IL18RAP: variants seen among roughly 807,000 people sequenced by gnomAD.
IL18RAP encodes the protein interleukin-18 receptor accessory protein.
IL18RAP carries 37 observed loss-of-function variants against 58.1 expected under a neutral mutation model. That is an observed-to-expected ratio of 0.64 (90% CI 0.49 to 0.84). The LOEUF (loss-of-function observed/expected upper bound fraction) is 0.84. Among genes scored for constraint, IL18RAP ranks in the 40% least tolerant of loss-of-function variants. The pLI is 0.00. For synonymous variants in IL18RAP, 268 were observed against 257.5 expected, an observed-to-expected ratio of 1.04 and a Z score of -0.39; for missense variants, 667 against 704.8, an observed-to-expected ratio of 0.95 and a Z score of 0.61.
intron 3 of IL18RAP, among the ~76,000 whole-genome samples, chr2:102,430,848 G>A (rs1682300408): frequency 6.6e-6 from 1 of 151,990 alleles, no homozygotes; most frequent in South Asian, 2.1e-4. Flanking sequence ...CCTTTTATGG[G>A]TTTGATGTCA....
chr2:102,428,367 T>C (rs1368191294), intron 3 of IL18RAP, among the ~76,000 whole-genome samples: 1 of 130,682 alleles, frequency 7.7e-6, no homozygotes, highest in Non-Finnish European at 1.6e-5. Context: ...TTTTCTTCCA[T>C]TCCTTTTGTT....
At position 102,437,175 on chromosome 2, in the gene IL18RAP, T is replaced by A. The variant is rs565837188; in HGVS notation, c.580-37T>A. On this transcript the variant is annotated intron_variant, in intron 3 of 9. Coordinates refer to ENST00000687160, the MANE Select transcript of IL18RAP (RefSeq NM_001393487.1). The stretch of plus-strand genomic sequence containing the variant: ...GTATGTATTTCATAAAGTTTTTCTG[T>A]GGCAAATTTATCTGCTTAAAATATC... 93 of 1,576,544 alleles carry A rather than the reference T, an allele frequency of 5.9e-5. 2 individuals are homozygous for A. In the South Asian group the frequency reaches 1.0e-3, roughly 17 times the overall value.
At chr2:102,431,068 C>A (rs1361415251) in intron 3 of IL18RAP, among the ~76,000 whole-genome samples, 1 of 152,144 alleles carries the variant, frequency 6.6e-6, no homozygotes, top group Non-Finnish European at 1.5e-5. Context: ...AGCAGGCATT[C>A]ATTTCAGTTT....
chr2:102,428,113 T>C (rs1419714185), intron 3 of IL18RAP, among the ~76,000 whole-genome samples: 1 of 151,906 alleles, frequency 6.6e-6, no homozygotes, highest in Non-Finnish European at 1.5e-5. Context: ...CTTAACAATA[T>C]ATTTTGAAAT....
At position 102,424,311 on chromosome 2, in the gene IL18RAP, CA is replaced by C; in HGVS notation, c.477del (p.Ser160HisfsTer30). The C allele has an allele frequency of 6.2e-7, 1 of 1,614,018 alleles. No homozygotes were observed. Among genetic ancestry groups the C allele is most frequent in the South Asian group, 1.1e-5 (1 of 91,078 alleles). On this transcript the variant is annotated frameshift_variant, in exon 3 of 10. Coordinates refer to ENST00000687160, the MANE Select transcript of IL18RAP (RefSeq NM_001393487.1). LOFTEE classifies it high-confidence loss of function. ...PQTNASCEYSASHKQDLLLGS... is the reference protein window; with the variant it reads ...PQTNASCEYSXSHKQDLLLGS... ...ACAAATGCATCCTGTGAGTATTCCG[CA>C]TCACATAAGCAAGACCTACTTCTTG...
intron 3 of IL18RAP, among the ~76,000 whole-genome samples, chr2:102,426,923 A>G (rs1681987306): frequency 6.6e-6 from 1 of 151,996 alleles, no homozygotes; most frequent in Admixed American, 6.6e-5. Flanking sequence ...CTCCCCACCA[A>G]TCAAGCCTCC....
At position 102,450,995 on chromosome 2, in the gene IL18RAP, T is replaced by C; in HGVS notation, c.1358T>C (p.Leu453Pro). 8 of 1,603,748 alleles carry C rather than the reference T, an allele frequency of 5.0e-6. No individual in the cohort carries two copies. The highest frequency in any genetic ancestry group is 6.8e-6 in the Non-Finnish European group (8 of 1,176,162). Residue 453 changes from leucine (L) to proline (P), a missense_variant, in exon 9 of 10, where the codon CTT (leucine) becomes CCT (proline). Leu to Pro is a moderately conservative substitution (Grantham distance 98). Transcript: ENST00000687160. ...AAATATGGATATAGCCTGTGTTTGC[T>C]TGAAAGAGATGTGGCTCCAGGAGGA... ...ENKYGYSLCL[L>P]ERDVAPGGVY... is the part of the protein sequence containing the mutation.
intron 3 of IL18RAP, among the ~76,000 whole-genome samples, chr2:102,424,660 TATATTACAC>T (rs1189185551): frequency 6.6e-6 from 1 of 152,214 alleles, no homozygotes; most frequent in East Asian, 1.9e-4. Context: ...AAAATTCAAG[TATATTACAC>T]ATGAGGTTAG....
chr2:102,428,201 A>T (rs1682089385), intron 3 of IL18RAP, among the ~76,000 whole-genome samples: 1 of 151,800 alleles, frequency 6.6e-6, no homozygotes, highest in Non-Finnish European at 1.5e-5. Context: ...GTGGTTCCAT[A>T]TGAATTTAAG....
intron 3 of IL18RAP, among the ~76,000 whole-genome samples, chr2:102,428,317 TC>T (rs1271339937): frequency 1.3e-5 from 2 of 151,598 alleles, no homozygotes; most frequent in East Asian, 3.9e-4. Flanking sequence ...TATTAATTCT[TC>T]CAATCCATGG....
intron 8 of IL18RAP, among the ~76,000 whole-genome samples, chr2:102,448,545 G>T (rs1245796361): frequency 6.6e-6 from 1 of 152,240 alleles, no homozygotes; most frequent in African/African-American, 2.4e-5. Context: ...ATCCCCTTTT[G>T]CAGGATTTCA....
chr2:102,445,353 G>C lies in IL18RAP; in HGVS notation c.1072+13G>C. 3 of 1,613,212 alleles carry C rather than the reference G, an allele frequency of 1.9e-6. No individual in the cohort carries two copies. Among genetic ancestry groups the C allele is most frequent in the Admixed American group, 1.7e-5 (1 of 59,994 alleles). Reference sequence around the variant, plus strand: ...GAAAAGAGAGGAGGTAAGCCCAGAAGGTTGCCCAGGAGGCATGAAACTGCT... The same window carrying C: ...GAAAAGAGAGGAGGTAAGCCCAGAACGTTGCCCAGGAGGCATGAAACTGCT... On this transcript the variant is annotated intron_variant, in intron 7 of 9. Coordinates refer to ENST00000687160, the MANE Select transcript of IL18RAP (RefSeq NM_001393487.1).
At chr2:102,424,172 C>T in intron 2 of IL18RAP, 37 bp downstream of exon 2, 1 of 1,605,886 alleles carries the variant, frequency 6.2e-7, no homozygotes, top group Non-Finnish European at 8.5e-7. Flanking sequence ...AAAACATTTC[C>T]AAATCCTCTA....
At chr2:102,434,684 A>G (rs11681718) in intron 3 of IL18RAP, 33,440 of 152,158 alleles carry the variant, frequency 0.22, 4,411 homozygotes, top group East Asian at 0.4. Context: ...AATGCCCTAT[A>G]TCTGATCATT....
Position 102,447,052 on chromosome 2 carries a change from C to T in IL18RAP, c.1073-18C>T, listed in dbSNP as rs756148796. 5 of 1,612,318 alleles carry T rather than the reference C, an allele frequency of 3.1e-6. No homozygotes were observed. In the African/African-American group the frequency reaches 5.3e-5, roughly 17 times the overall value. ...CCCGCTGCCTCTATGTCTCTTCATA[C>T]TGGCCCTGTCTCCACAGTGGTGCTC... On this transcript the variant is annotated intron_variant, in intron 7 of 9. Transcript: ENST00000687160.
At chr2:102,436,512 T>G (rs772637344) in intron 3 of IL18RAP, among the ~76,000 whole-genome samples, 17 of 152,322 alleles carry the variant, frequency 1.1e-4, no homozygotes, top group South Asian at 4.1e-4. Context: ...TGGAAATTCC[T>G]TCTTGGACCA....
rs1443016108 is a variant in IL18RAP, at chr2:102,424,330, A to C, written c.495A>C (p.Leu165=). The part of the protein sequence containing the change: ...CEYSASHKQD[L]LLGSTGSISC... ...ATTCCGCATCACATAAGCAAGACCT[A>C]CTTCTTGGGAGCACTGGCTCTATTT... Residue 165 remains leucine (L), a synonymous_variant, in exon 3 of 10, where the codon CTA becomes CTC. Coordinates refer to ENST00000687160, the MANE Select transcript of IL18RAP (RefSeq NM_001393487.1). 6.2e-7 allele frequency: 1 copy of C among 1,614,034 alleles called. No homozygotes were observed. Among genetic ancestry groups the C allele is most frequent in the Admixed American group, 1.7e-5 (1 of 59,990 alleles).
rs570157025 is a variant in IL18RAP, at chr2:102,423,223, C to T, written c.-55C>T. On this transcript the variant is annotated 5_prime_UTR_variant, in exon 1 of 10. Transcript: ENST00000687160. ...GCAGAGTTCTGAATCTCAAAACACT[C>T]TACTCTGGCAAAGGAATGAAGTTAT... The T allele has an allele frequency of 3.8e-5, 58 of 1,523,776 alleles. No homozygotes were observed. The African/African-American group carries it at 7.4e-4, about 19-fold the overall frequency. The allele number at this position is 1,523,776 out of a possible 1,614,324, so 94.4% of individuals were successfully genotyped here.
Position 102,441,303 on chromosome 2 carries a change from A to C in IL18RAP, c.731-9A>C. 1 of 1,610,984 alleles carries C rather than the reference A, an allele frequency of 6.2e-7. No homozygotes were observed. Among genetic ancestry groups the C allele is most frequent in the Non-Finnish European group, 8.5e-7 (1 of 1,177,440 alleles). On this transcript the variant is annotated splice_polypyrimidine_tract_variant and intron_variant, in intron 4 of 9. Transcript: ENST00000687160. ...AATGCAAATAGTAATCTTTGTTTTCATCTTTCAGTGGGAGACACTAAACTC... is the reference window on the plus strand; with the variant it reads ...AATGCAAATAGTAATCTTTGTTTTCCTCTTTCAGTGGGAGACACTAAACTC...
Sources: allele counts gnomAD v4.1 joint callset (sites outside exome capture counted in the v4.1 genomes callset), GRCh38; gene constraint gnomAD v4.1.1; transcripts MANE v1.5; gene names NCBI Gene and HGNC (gene_info 2026-07-23, HGNC 2026-07-21).